Variants in QTMAN observed in about 807,000 individuals in gnomAD.
The protein encoded by QTMAN is queuosine-tRNA mannosyltransferase.
At chr2:143,989,148 C>T in the QTMAN span, among the ~76,000 whole-genome samples, 1 of 151,788 alleles carries the variant, frequency 6.6e-6, no homozygotes, top group African/African-American at 2.4e-5. Flanking sequence ...TCTTAGTCAA[C>T]CTTGGTGTTT....
the QTMAN span, among the ~76,000 whole-genome samples, chr2:144,144,515 T>C: frequency 6.6e-6 from 1 of 152,092 alleles, no homozygotes; most frequent in South Asian, 2.1e-4. Context: ...GATTTTATTT[T>C]CATTTTTAAA....
the QTMAN span, among the ~76,000 whole-genome samples, chr2:144,041,105 C>T: frequency 2.0e-5 from 3 of 152,120 alleles, no homozygotes; most frequent in South Asian, 2.1e-4. Context: ...ACTTTCATTG[C>T]GCTTGAGAAT....
At chr2:144,012,915 G>C in the QTMAN span, among the ~76,000 whole-genome samples, 1 of 152,112 alleles carries the variant, frequency 6.6e-6, no homozygotes, top group Non-Finnish European at 1.5e-5. Context: ...ATATGGGGCA[G>C]ACAAGGAGAG....
chr2:144,206,654 A>G, the QTMAN span, among the ~76,000 whole-genome samples: 3 of 152,170 alleles, frequency 2.0e-5, no homozygotes, highest in African/African-American at 7.2e-5. Flanking sequence ...TCGCAGAGTA[A>G]GGCTTTATAT....
chr2:144,132,012 G>A, the QTMAN span, among the ~76,000 whole-genome samples: 7 of 151,810 alleles, frequency 4.6e-5, no homozygotes, highest in East Asian at 9.7e-4. Flanking sequence ...AAATCACATC[G>A]TTTTTACTAT....
At chr2:144,249,741 T>C in the QTMAN span, among the ~76,000 whole-genome samples, 1 of 152,150 alleles carries the variant, frequency 6.6e-6, no homozygotes, top group African/African-American at 2.4e-5. Flanking sequence ...AGATTTAAAT[T>C]ATTACAGAGA....
chr2:144,078,593 T>C, the QTMAN span, among the ~76,000 whole-genome samples: 3 of 152,068 alleles, frequency 2.0e-5, no homozygotes, highest in Non-Finnish European at 2.9e-5. Flanking sequence ...AGTCAAAGGG[T>C]AGAAAAACCA....
chr2:144,193,619 C>A, the QTMAN span, among the ~76,000 whole-genome samples: 2 of 151,764 alleles, frequency 1.3e-5, no homozygotes. Context: ...TTCCTGGGCT[C>A]AAGTGATCGT....
the QTMAN span, among the ~76,000 whole-genome samples, chr2:143,988,417 G>C: frequency 2.6e-5 from 4 of 152,180 alleles, no homozygotes; most frequent in African/African-American, 9.6e-5. Flanking sequence ...TGCCATTTGA[G>C]ACCAAGACAT....
At chr2:144,235,404 A>G in the QTMAN span, among the ~76,000 whole-genome samples, 1 of 152,168 alleles carries the variant, frequency 6.6e-6, no homozygotes, top group Non-Finnish European at 1.5e-5. Context: ...ACAACTCTCC[A>G]AAGAATATAC....
the QTMAN span, among the ~76,000 whole-genome samples, chr2:144,241,768 G>GT: frequency 6.6e-6 from 1 of 151,808 alleles, no homozygotes; most frequent in African/African-American, 2.4e-5. Context: ...TACCTAGTGT[G>GT]TAAGTGTGTA....
At chr2:144,117,960 C>T in the QTMAN span, among the ~76,000 whole-genome samples, 1 of 152,026 alleles carries the variant, frequency 6.6e-6, no homozygotes. Flanking sequence ...ATTCTCCTGC[C>T]TCAGCCTCCC....
At chr2:143,949,922 T>C in the QTMAN span, among the ~76,000 whole-genome samples, 25 of 151,828 alleles carry the variant, frequency 1.6e-4, no homozygotes, top group Admixed American at 1.6e-3. Context: ...ACTCTATACC[T>C]TGCAACATGC....
At chr2:144,275,864 T>C in the QTMAN span, among the ~76,000 whole-genome samples, 5 of 152,098 alleles carry the variant, frequency 3.3e-5, no homozygotes, top group Non-Finnish European at 4.4e-5. Context: ...TGAATATATA[T>C]ATATATAATG....
the QTMAN span, among the ~76,000 whole-genome samples, chr2:144,212,051 T>C: frequency 0.15 from 22,782 of 152,268 alleles, 2,717 homozygotes; most frequent in African/African-American, 0.33. Flanking sequence ...AAGTGTTTGC[T>C]AGAAGATGGC....
chr2:144,162,827 C>CT, the QTMAN span, among the ~76,000 whole-genome samples: 1 of 152,156 alleles, frequency 6.6e-6, no homozygotes, highest in Non-Finnish European at 1.5e-5. Context: ...TGTCTATCAG[C>CT]TGACTCAGGT....
At chr2:144,101,415 C>CAT in the QTMAN span, among the ~76,000 whole-genome samples, 3 of 151,028 alleles carry the variant, frequency 2.0e-5, no homozygotes, top group African/African-American at 7.3e-5. Flanking sequence ...CACACACACA[C>CAT]TACTTTACTG....
the QTMAN span, among the ~76,000 whole-genome samples, chr2:144,282,460 ACAGATATCAT>A: frequency 1.3e-5 from 2 of 151,150 alleles, no homozygotes; most frequent in African/African-American, 4.9e-5. Flanking sequence ...AGGGATAGGT[ACAGATATCAT>A]TTATATGGGC....
At chr2:144,199,731 A>G in the QTMAN span, among the ~76,000 whole-genome samples, 4 of 152,216 alleles carry the variant, frequency 2.6e-5, no homozygotes, top group Non-Finnish European at 5.9e-5. Flanking sequence ...ATGAGCTGAC[A>G]AAGTTGAATG....
Sources: gnomAD v4.1 joint callset for allele counts (sites outside exome capture counted in the v4.1 genomes callset) on GRCh38, gnomAD v4.1.1 for gene constraint, MANE v1.5 for transcripts, NCBI Gene and HGNC (gene_info 2026-07-23, HGNC 2026-07-21) for gene names.